The following PTPRG variants were observed in gnomAD, a reference collection of about 807,000 sequenced individuals.
The protein encoded by PTPRG is receptor-type tyrosine-protein phosphatase gamma.
PTPRG carries 102 observed loss-of-function variants against 165.3 expected under a neutral mutation model. The observed-to-expected ratio is 0.62, with a 90% confidence interval of 0.53 to 0.73. The LOEUF (loss-of-function observed/expected upper bound fraction) is 0.73. Ranked by LOEUF, PTPRG falls within the 30% of genes least tolerant of loss-of-function variation. The pLI, the probability that PTPRG is intolerant of heterozygous loss-of-function variation, is 0.00. For missense variants in PTPRG, 1,866 were observed against 1,861.4 expected, an observed-to-expected ratio of 1.00 and a Z score of -0.05; for synonymous variants, 675 against 669.5, an observed-to-expected ratio of 1.01 and a Z score of -0.13.
intron 2 of PTPRG, among the ~76,000 whole-genome samples, chr3:61,954,640 G>A (rs865843138): frequency 9.2e-5 from 14 of 152,116 alleles, no homozygotes; most frequent in African/African-American, 3.1e-4. Context: ...GAAGCCAGGG[G>A]GAGAATTTAA....
rs139960761 is a variant in PTPRG, at chr3:61,956,090, T to TTATATATATATATATATATATA, written c.191-33518_191-33517insATATATATATATATATATATAT. 4.8e-3 allele frequency among the ~76,000 whole-genome samples: 709 copies of TTATATATATATATATATATATA among 148,854 alleles called. 5 individuals carry two copies. The highest frequency in any genetic ancestry group is 0.017 in the African/African-American group (669 of 40,100). ...AGCATGTGGACTAAGGGGAAAAAAA[T>TTATATATATATATATATATATA]TATATATATATATATATGAAAAATT... On this transcript the variant is annotated intron_variant, in intron 2 of 29. Transcript: ENST00000474889.
At chr3:62,056,532 C>T (rs913536615) in intron 4 of PTPRG, among the ~76,000 whole-genome samples, 1 of 152,100 alleles carries the variant, frequency 6.6e-6, no homozygotes, top group Non-Finnish European at 1.5e-5. Context: ...GGTCTAAATA[C>T]AAAACATTGT....
intron 16 of PTPRG, among the ~76,000 whole-genome samples, chr3:62,256,861 G>C (rs1701548196): frequency 6.6e-6 from 1 of 152,068 alleles, no homozygotes; most frequent in East Asian, 1.9e-4. Flanking sequence ...CTTAAAATGG[G>C]CTTTGCTGCA....
intron 2 of PTPRG, among the ~76,000 whole-genome samples, chr3:61,863,811 G>A (rs535835717): frequency 6.6e-6 from 1 of 152,258 alleles, no homozygotes; most frequent in South Asian, 2.1e-4. Flanking sequence ...CTTTGAATGT[G>A]CAGTTCAACC....
chr3:62,098,343 A>G (rs917177716), intron 5 of PTPRG, among the ~76,000 whole-genome samples: 4 of 152,230 alleles, frequency 2.6e-5, no homozygotes, highest in African/African-American at 9.6e-5. Context: ...AGGTATTATA[A>G]GTAATCTAGA....
chr3:61,971,011 C>T (rs1013856340), intron 2 of PTPRG, among the ~76,000 whole-genome samples: 2 of 152,060 alleles, frequency 1.3e-5, no homozygotes, highest in African/African-American at 4.8e-5. Flanking sequence ...ATTGATGCCC[C>T]AGTGTGGTTT....
At chr3:62,242,657 A>ATT (rs1701187615) in intron 14 of PTPRG, among the ~76,000 whole-genome samples, 1 of 152,098 alleles carries the variant, frequency 6.6e-6, no homozygotes, top group East Asian at 1.9e-4. Flanking sequence ...TAGTTTCTTG[A>ATT]TTTTTCTCTA....
At chr3:61,751,597 T>A (rs1232636353) in intron 2 of PTPRG, among the ~76,000 whole-genome samples, 1 of 152,156 alleles carries the variant, frequency 6.6e-6, no homozygotes, top group Non-Finnish European at 1.5e-5. Context: ...TTTGTTAATA[T>A]CTTGATGATG....
rs375308428 is a variant in PTPRG at position 61,907,594 on chromosome 3, T to A, written c.191-82031T>A. Among the ~76,000 whole-genome samples, 6 of 152,318 alleles carry A rather than the reference T, an allele frequency of 3.9e-5. No individual in the cohort carries two copies. In the East Asian group the frequency reaches 9.6e-4, roughly 24 times the overall value. ...TTCTTCTGGGAATTTATAAGTCTAG[T>A]AAGGAAGATTATTGCAGCACTGGGT... On this transcript the variant is annotated intron_variant, in intron 2 of 29. Coordinates refer to ENST00000474889, the MANE Select transcript of PTPRG (RefSeq NM_002841.4).
intron 2 of PTPRG, among the ~76,000 whole-genome samples, chr3:61,949,081 G>GGCTTTTAAT (rs2039834477): frequency 6.7e-6 from 1 of 149,920 alleles, no homozygotes; most frequent in African/African-American, 2.4e-5. Context: ...AGCATGTGAT[G>GGCTTTTAAT]GCTTTTAATG....
intron 5 of PTPRG, among the ~76,000 whole-genome samples, chr3:62,082,122 G>A (rs920598370): frequency 1.3e-5 from 2 of 152,180 alleles, no homozygotes; most frequent in Non-Finnish European, 2.9e-5. Flanking sequence ...AAAAGCCCAG[G>A]CCTAGGCAAG....
intron 1 of PTPRG, among the ~76,000 whole-genome samples, chr3:61,728,055 A>C (rs150239776): frequency 6.6e-6 from 1 of 152,044 alleles, no homozygotes; most frequent in African/African-American, 2.4e-5. Flanking sequence ...TTCCATCTCC[A>C]TGTCTTTCTT....
Position 62,231,297 on chromosome 3 carries a change from A to C in PTPRG, c.2361A>C (p.Gly787=). 1 of 1,594,048 alleles carries C rather than the reference A, an allele frequency of 6.3e-7. No homozygotes were observed. Among genetic ancestry groups the C allele is most frequent in the Non-Finnish European group, 8.5e-7 (1 of 1,169,784 alleles). ...FREVPSSGER[G]EKGSRKCFQT... is the part of the protein sequence containing the mutation. ...AAGTGCCTTCTTCTGGGGAGAGAGG[A>C]GAGAAGGGGAGCAGGTGAGGGGCGG... The change falls in exon 14 of 30, where the codon GGA becomes GGC. Residue 787 remains glycine, a synonymous_variant. Transcript: ENST00000474889.
intron 2 of PTPRG, among the ~76,000 whole-genome samples, chr3:61,771,569 T>G (rs926259518): frequency 6.6e-6 from 1 of 152,220 alleles, no homozygotes; most frequent in African/African-American, 2.4e-5. Context: ...AACTTGTGTT[T>G]TGCAGTTAAA....
At chr3:61,625,321 T>TA (rs1386889170) in intron 1 of PTPRG, among the ~76,000 whole-genome samples, 9 of 151,902 alleles carry the variant, frequency 5.9e-5, no homozygotes, top group Admixed American at 1.3e-4. Context: ...AAACTCTTTA[T>TA]AAAAAAAATC....
chr3:61,900,652 G>A (rs1386454710), intron 2 of PTPRG, among the ~76,000 whole-genome samples: 1 of 152,220 alleles, frequency 6.6e-6, no homozygotes, highest in Non-Finnish European at 1.5e-5. Context: ...CAGGTCCACG[G>A]ATTGTAAGCT....
chr3:61,783,462 C>G (rs1054801794), intron 2 of PTPRG, among the ~76,000 whole-genome samples: 1 of 152,204 alleles, frequency 6.6e-6, no homozygotes, highest in Non-Finnish European at 1.5e-5. Context: ...CACACAGTAT[C>G]ACCATGTGAT....
intron 1 of PTPRG, among the ~76,000 whole-genome samples, chr3:61,719,817 C>T (rs2031973370): frequency 1.3e-5 from 2 of 152,162 alleles, no homozygotes; most frequent in Non-Finnish European, 2.9e-5. Context: ...GTTCCTCACA[C>T]TTCCCAGACA....
At chr3:62,064,832 A>C (rs1484560683) in intron 4 of PTPRG, among the ~76,000 whole-genome samples, 1 of 146,990 alleles carries the variant, frequency 6.8e-6, no homozygotes, top group East Asian at 2.0e-4. Flanking sequence ...TCCCTGGTTC[A>C]AGTGATTCTC....
Sources: allele counts gnomAD v4.1 joint callset (sites outside exome capture counted in the v4.1 genomes callset), GRCh38; gene constraint gnomAD v4.1.1; transcripts MANE v1.5; gene names NCBI Gene and HGNC (gene_info 2026-07-23, HGNC 2026-07-21).